The following CDKAL1 variants were observed in gnomAD, a reference collection of about 807,000 sequenced individuals.
CDKAL1 encodes the protein threonylcarbamoyladenosine tRNA methylthiotransferase.
A neutral mutation model predicts 68.2 loss-of-function variants in CDKAL1; 32 were observed. That is an observed-to-expected ratio of 0.47 (90% CI 0.35 to 0.63). The LOEUF is 0.63. Ranked by LOEUF, CDKAL1 falls within the 30% of genes least tolerant of loss-of-function variation. The pLI, the probability that CDKAL1 is intolerant of heterozygous loss-of-function variation, is 0.00. For missense variants in CDKAL1, 606 were observed against 696.7 expected, an observed-to-expected ratio of 0.87 and a Z score of 1.47; for synonymous variants, 234 against 244.3, an observed-to-expected ratio of 0.96 and a Z score of 0.39.
chr6:21,040,599 T>C (rs1023619688), intron 11 of CDKAL1, among the ~76,000 whole-genome samples: 4 of 152,190 alleles, frequency 2.6e-5, no homozygotes, highest in African/African-American at 4.8e-5. Context: ...TCGTATTTAA[T>C]TTAGGCACAT....
intron 5 of CDKAL1, among the ~76,000 whole-genome samples, chr6:20,687,492 TTTAC>T (rs149593646): frequency 0.032 from 4,833 of 152,202 alleles, 249 homozygotes; most frequent in African/African-American, 0.11. Context: ...AAAAAGTTAT[TTTAC>T]TTTTATTCTT....
intron 9 of CDKAL1, among the ~76,000 whole-genome samples, chr6:20,954,939 T>C (rs1307574021): frequency 6.6e-6 from 1 of 152,134 alleles, no homozygotes; most frequent in African/African-American, 2.4e-5. Context: ...ATGAGAAAAA[T>C]GGATACCTTA....
chr6:20,916,206 A>G (rs60869648), intron 9 of CDKAL1, among the ~76,000 whole-genome samples: 12,763 of 152,250 alleles, frequency 0.084, 655 homozygotes, highest in African/African-American at 0.13. Context: ...AACTGGTAGA[A>G]TCCAAATAAG....
intron 4 of CDKAL1, among the ~76,000 whole-genome samples, chr6:20,606,464 A>T (rs1437901777): frequency 6.6e-6 from 1 of 152,198 alleles, no homozygotes; most frequent in Admixed American, 6.5e-5. Context: ...GAGAAGCTGA[A>T]TGTGTAGAAT....
chr6:21,092,027 C>T (rs1197665715), intron 12 of CDKAL1, among the ~76,000 whole-genome samples: 1 of 150,350 alleles, frequency 6.7e-6, no homozygotes, highest in Non-Finnish European at 1.5e-5. Flanking sequence ...GCTGGGACTA[C>T]AGGCGCCCGC....
chr6:20,858,146 A>AC (rs1476204969), intron 9 of CDKAL1, among the ~76,000 whole-genome samples: 7 of 152,186 alleles, frequency 4.6e-5, no homozygotes, highest in African/African-American at 1.7e-4. Flanking sequence ...GGCGTGAGCT[A>AC]CTGTGCCCGT....
At chr6:20,985,903 C>A (rs1766428560) in intron 10 of CDKAL1, among the ~76,000 whole-genome samples, 1 of 151,280 alleles carries the variant, frequency 6.6e-6, no homozygotes, top group Non-Finnish European at 1.5e-5. Flanking sequence ...TACCTTCTTT[C>A]TCATTTTTAT....
chr6:20,921,683 G>A (rs1762963798), intron 9 of CDKAL1, among the ~76,000 whole-genome samples: 1 of 152,138 alleles, frequency 6.6e-6, no homozygotes, highest in African/African-American at 2.4e-5. Context: ...GATTTCACAG[G>A]CTTTTAGCAA....
intron 11 of CDKAL1, among the ~76,000 whole-genome samples, chr6:21,026,089 T>C (rs554811511): frequency 1.9e-4 from 29 of 152,166 alleles, no homozygotes; most frequent in Non-Finnish European, 3.2e-4. Flanking sequence ...TGTTTTCAGT[T>C]TCTAACTATC....
chr6:20,831,262 G>C (rs143087613), intron 8 of CDKAL1, among the ~76,000 whole-genome samples: 28 of 152,268 alleles, frequency 1.8e-4, no homozygotes, highest in Non-Finnish European at 3.2e-4. Flanking sequence ...CATCCTGCTG[G>C]TGGTGGAAGC....
chr6:20,780,119 A>AAAAAAAAAAAAAAAAAAAAAAAAG (rs1561771085), intron 7 of CDKAL1, among the ~76,000 whole-genome samples: 1 of 147,476 alleles, frequency 6.8e-6, no homozygotes, highest in African/African-American at 2.5e-5. Flanking sequence ...AAAAAAAAAA[A>AAAAAAAAAAAAAAAAAAAAAAAAG]AGACAAAATG....
chr6:21,049,272 C>G (rs1770412074), intron 11 of CDKAL1, among the ~76,000 whole-genome samples: 1 of 152,126 alleles, frequency 6.6e-6, no homozygotes, highest in Admixed American at 6.5e-5. Flanking sequence ...GGAATTCAGA[C>G]ATTTGCTGTA....
At chr6:20,551,398 C>G (rs1268458535) in intron 4 of CDKAL1, among the ~76,000 whole-genome samples, 1 of 145,974 alleles carries the variant, frequency 6.9e-6, no homozygotes, top group Non-Finnish European at 1.5e-5. Flanking sequence ...GACGGAGTCT[C>G]GCTCTGTCAC....
chr6:20,568,729 C>G (rs1434809891), intron 4 of CDKAL1, among the ~76,000 whole-genome samples: 3 of 113,418 alleles, frequency 2.6e-5, no homozygotes, highest in African/African-American at 7.0e-5. Context: ...AGCGAGACTC[C>G]GCCTCAAAAA....
intron 5 of CDKAL1, among the ~76,000 whole-genome samples, chr6:20,716,893 C>G (rs1032761261): frequency 6.6e-6 from 1 of 151,976 alleles, no homozygotes; most frequent in East Asian, 1.9e-4. Context: ...AAGAGAGAAC[C>G]AAGGACTAAG....
rs1037548906 is a variant in CDKAL1 at position 21,099,196 on chromosome 6, C to T, written c.1237-9205C>T. 3.9e-5 allele frequency among the ~76,000 whole-genome samples: 6 copies of T among 152,078 alleles called. No individual in the cohort carries two copies. In the South Asian group the frequency reaches 1.0e-3, roughly 26 times the overall value. On this transcript the variant is annotated intron_variant, in intron 12 of 15. Coordinates refer to ENST00000274695, the MANE Select transcript of CDKAL1 (RefSeq NM_017774.3). Reference sequence around the variant, plus strand: ...ATTTGCAGCCAGGATTGCAAACCAACGGTTTAGAGCAAGGGTTAGTAAACT... The same window carrying T: ...ATTTGCAGCCAGGATTGCAAACCAATGGTTTAGAGCAAGGGTTAGTAAACT...
At chr6:20,994,916 C>G (rs1427689024) in intron 10 of CDKAL1, among the ~76,000 whole-genome samples, 1 of 152,186 alleles carries the variant, frequency 6.6e-6, no homozygotes, top group Non-Finnish European at 1.5e-5. Context: ...GGCAGTGCAG[C>G]TTCTCTCAAA....
chr6:20,665,972 C>T (rs987998095), intron 5 of CDKAL1, among the ~76,000 whole-genome samples: 4 of 151,804 alleles, frequency 2.6e-5, no homozygotes, highest in African/African-American at 9.7e-5. Flanking sequence ...GTATTATATC[C>T]AAAAAGATTT....
At chr6:20,542,840 TC>T (rs544057774) in intron 2 of CDKAL1, among the ~76,000 whole-genome samples, 103 of 152,318 alleles carry the variant, frequency 6.8e-4, no homozygotes, top group Non-Finnish European at 1.0e-3. Context: ...CTTTCTTTAA[TC>T]CCTGGCAACT....
Sources: allele counts gnomAD v4.1 joint callset (sites outside exome capture counted in the v4.1 genomes callset), GRCh38; gene constraint gnomAD v4.1.1; transcripts MANE v1.5; gene names NCBI Gene and HGNC (gene_info 2026-07-23, HGNC 2026-07-21).